ZDHHC14: variants seen among roughly 807,000 people sequenced by gnomAD.
The protein encoded by ZDHHC14 is zDHHC palmitoyltransferase 14.
ZDHHC14 carries 16 observed loss-of-function variants against 47.7 expected under a neutral mutation model. The ratio of observed to expected loss-of-function variants is 0.34; its 90% CI spans 0.23 to 0.51. The LOEUF (loss-of-function observed/expected upper bound fraction) is 0.51. Ranked by LOEUF, ZDHHC14 falls within the 20% of genes least tolerant of loss-of-function variation. The pLI is 0.97. For synonymous variants in ZDHHC14, 293 were observed against 278.9 expected, an observed-to-expected ratio of 1.05 and a Z score of -0.50; for missense variants, 515 against 662.5, an observed-to-expected ratio of 0.78 and a Z score of 2.44.
At chr6:157,610,748 T>G (rs992464319) in intron 3 of ZDHHC14, among the ~76,000 whole-genome samples, 7 of 152,232 alleles carry the variant, frequency 4.6e-5, no homozygotes, top group Non-Finnish European at 7.3e-5. Context: ...GATTTGTTCA[T>G]TTTCAACAGA....
In ZDHHC14 at chr6:157,634,384, A is replaced by G. The variant is rs145263668; in HGVS notation, c.752+1502A>G. Among the ~76,000 whole-genome samples the G allele has an allele frequency of 3.5e-3, 532 of 152,308 alleles. 9 individuals carry two copies. Among genetic ancestry groups the G allele is most frequent in the African/African-American group, 0.012 (500 of 41,570 alleles). ...GCCCAGGGAATGAATGAAATCTTCA[A>G]TACCTGTGCTATTAGGATCAGGTCC... is the stretch of plus-strand genomic sequence containing the variant. On this transcript the variant is annotated intron_variant, in intron 5 of 8. Coordinates refer to ENST00000359775, the MANE Select transcript of ZDHHC14 (RefSeq NM_024630.3).
At chr6:157,514,889 G>A (rs2114755793) in intron 1 of ZDHHC14, among the ~76,000 whole-genome samples, 1 of 152,342 alleles carries the variant, frequency 6.6e-6, no homozygotes, top group East Asian at 1.9e-4. Context: ...CTTTGGTGGA[G>A]TCTCCAAAGT....
At chr6:157,435,930 T>G (rs567367444) in intron 1 of ZDHHC14, among the ~76,000 whole-genome samples, 1 of 152,046 alleles carries the variant, frequency 6.6e-6, no homozygotes, top group Non-Finnish European at 1.5e-5. Flanking sequence ...GTATGCTGTT[T>G]GGATAGAGGG....
At chr6:157,660,258 T>C (rs951900042) in intron 8 of ZDHHC14, among the ~76,000 whole-genome samples, 1 of 151,190 alleles carries the variant, frequency 6.6e-6, no homozygotes, top group Non-Finnish European at 1.5e-5. Flanking sequence ...AGTGGCACAG[T>C]CTCGGCTCAC....
chr6:157,392,353 A>C (rs961498560), intron 1 of ZDHHC14, among the ~76,000 whole-genome samples: 2 of 152,116 alleles, frequency 1.3e-5, no homozygotes, highest in Non-Finnish European at 2.9e-5. Context: ...ATTTTAAAAG[A>C]AAGTTAATTT....
intron 2 of ZDHHC14, among the ~76,000 whole-genome samples, chr6:157,544,289 T>A (rs1172896316): frequency 6.6e-6 from 1 of 152,236 alleles, no homozygotes; most frequent in Non-Finnish European, 1.5e-5. Flanking sequence ...GATCCCCATC[T>A]CCAGGTTAGT....
intron 1 of ZDHHC14, among the ~76,000 whole-genome samples, chr6:157,454,543 G>A (rs1264196255): frequency 6.8e-6 from 1 of 147,876 alleles, no homozygotes; most frequent in African/African-American, 2.5e-5. Flanking sequence ...TGTTTCCCAG[G>A]CTAGAGTTCA....
chr6:157,605,254 T>C (rs1247628859), intron 3 of ZDHHC14, among the ~76,000 whole-genome samples: 3 of 152,258 alleles, frequency 2.0e-5, no homozygotes, highest in East Asian at 3.8e-4. Flanking sequence ...TTGAAAAGTA[T>C]TTTAAATAAA....
At chr6:157,495,695 ATT>A (rs71027341) in intron 1 of ZDHHC14, among the ~76,000 whole-genome samples, 259 of 104,338 alleles carry the variant, frequency 2.5e-3, no homozygotes, top group African/African-American at 8.7e-3. Context: ...TTCGGGTTGA[ATT>A]TTTTTTTTTT....
chr6:157,640,606 CAG>C (rs1777202222), intron 5 of ZDHHC14, among the ~76,000 whole-genome samples: 1 of 152,198 alleles, frequency 6.6e-6, no homozygotes, highest in Non-Finnish European at 1.5e-5. Flanking sequence ...ATGACTTACT[CAG>C]GGGTGTCCAG....
At chr6:157,618,958 G>A (rs1013980885) in intron 3 of ZDHHC14, among the ~76,000 whole-genome samples, 1 of 151,648 alleles carries the variant, frequency 6.6e-6, no homozygotes, top group Non-Finnish European at 1.5e-5. Flanking sequence ...TTCCTCACTC[G>A]CTCAAGGCCT....
intron 1 of ZDHHC14, among the ~76,000 whole-genome samples, chr6:157,481,674 C>G (rs1779633595): frequency 6.6e-6 from 1 of 152,202 alleles, no homozygotes; most frequent in Non-Finnish European, 1.5e-5. Context: ...ATACCTAACA[C>G]AAACGTCACC....
chr6:157,633,759 A>C (rs928132812), intron 5 of ZDHHC14, among the ~76,000 whole-genome samples: 3 of 152,212 alleles, frequency 2.0e-5, no homozygotes, highest in African/African-American at 4.8e-5. Flanking sequence ...ATCTTGGCTC[A>C]CTACAACCTC....
At chr6:157,569,057 A>C (rs1783008354) in intron 2 of ZDHHC14, among the ~76,000 whole-genome samples, 1 of 151,900 alleles carries the variant, frequency 6.6e-6, no homozygotes, top group Non-Finnish European at 1.5e-5. Context: ...TTTTTTTGAC[A>C]TACAGGTCTT....
At chr6:157,540,910 G>GTGTGTGTGTGTGTGTGTATA (rs1284429244) in intron 1 of ZDHHC14, among the ~76,000 whole-genome samples, 31 of 122,970 alleles carry the variant, frequency 2.5e-4, no homozygotes, top group South Asian at 1.4e-3. Context: ...GTGTGTGTGT[G>GTGTGTGTGTGTGTGTGTATA]TATATATATA....
At chr6:157,644,170 C>T (rs1293946048) in intron 5 of ZDHHC14, among the ~76,000 whole-genome samples, 1 of 152,222 alleles carries the variant, frequency 6.6e-6, no homozygotes, top group Non-Finnish European at 1.5e-5. Context: ...TCTACTTCAC[C>T]TCTTCTTTCC....
At chr6:157,489,560 G>A (rs1417100729) in intron 1 of ZDHHC14, among the ~76,000 whole-genome samples, 2 of 135,888 alleles carry the variant, frequency 1.5e-5, no homozygotes, top group Non-Finnish European at 3.3e-5. Context: ...GTGCAGTCTC[G>A]ATTCTGAATT....
intron 2 of ZDHHC14, among the ~76,000 whole-genome samples, chr6:157,585,928 AGGGCCTGT>A (rs1442342282): frequency 2.0e-5 from 3 of 152,212 alleles, no homozygotes; most frequent in African/African-American, 7.2e-5. Context: ...GCAGCACTTG[AGGGCCTGT>A]GGCTGTGATT....
rs750975822 is a variant in ZDHHC14, at chr6:157,458,849, A to ATTTTTT, written c.245+76600_245+76605dup. ...TACAGGTACTAGCAAATGTGGGTGGATTTTTTTTTTTTTTTTTTTTTTGAG... is the reference window on the plus strand; with the variant it reads ...TACAGGTACTAGCAAATGTGGGTGGATTTTTTTTTTTTTTTTTTTTTTTTTTTTGAG... On this transcript the variant is annotated intron_variant, in intron 1 of 8. Transcript: ENST00000359775. Among the ~76,000 whole-genome samples, 91 of 81,202 alleles carry ATTTTTT rather than the reference A, an allele frequency of 1.1e-3. 14 individuals carry two copies. The highest frequency in any genetic ancestry group is 7.8e-3 in the East Asian group (17 of 2,178). 53.3% of individuals were successfully genotyped at this position (81,202 alleles called of 152,430 possible).
Sources: gnomAD v4.1 joint callset for allele counts (sites outside exome capture counted in the v4.1 genomes callset) on GRCh38, gnomAD v4.1.1 for gene constraint, MANE v1.5 for transcripts, NCBI Gene and HGNC (gene_info 2026-07-23, HGNC 2026-07-21) for gene names.